KIAA1217: variants seen among roughly 807,000 people sequenced by gnomAD.
KIAA1217 encodes KIAA1217, also known as sickle tail protein homolog.
Under a neutral mutation model 163.9 loss-of-function variants are expected in KIAA1217, and 88 were observed. That is an observed-to-expected ratio of 0.54 (90% confidence interval 0.45 to 0.64). The LOEUF (loss-of-function observed/expected upper bound fraction) is 0.64, where lower values mean the gene tolerates loss of function less well. KIAA1217 is among the 30% of genes least tolerant of loss of function. The probability of loss-of-function intolerance (pLI) is 0.00; values close to 1 mark genes in which losing one functional copy is unlikely to be tolerated. For synonymous variants in KIAA1217, 903 were observed against 923.1 expected (o/e 0.98, Z 0.39); for missense variants, 2,372 against 2,475.0 (o/e 0.96, Z 0.88).
intron 1 of KIAA1217, among the ~76,000 whole-genome samples, chr10:23,822,084 A>G (rs1004642601): frequency 6.6e-5 from 10 of 152,112 alleles, no homozygotes; most frequent in African/African-American, 2.4e-4. Flanking sequence ...TTCACCACTC[A>G]TCTCCTTACT....
rs1554784569 is a variant in KIAA1217 at position 23,748,481 on chromosome 10, G to GAAGGAAGT, written c.-321+53254_-321+53255insTAAGGAAG. Among the ~76,000 whole-genome samples the GAAGGAAGT allele has an allele frequency of 7.3e-3, 1,057 of 144,634 alleles. 16 individuals are homozygous for GAAGGAAGT. The highest frequency in any genetic ancestry group is 0.026 in the African/African-American group (1,006 of 39,226). The allele number at this position is 144,634 out of a possible 152,430, so 94.9% of individuals were successfully genotyped here. A position where few individuals can be genotyped will look rare whatever the true frequency, so the allele number is the denominator to read the frequency against. On this transcript the variant is annotated intron_variant, in intron 1 of 18. Transcript: ENST00000376462. ...GGAAGCAAGGAAGGAAGGAAGGAAG[G>GAAGGAAGT]AAGGAAGGAAAGAAGGGAAAGGAGA...
rs138823228 is a variant in KIAA1217, at chr10:24,489,550, A to G, written c.1680-4950A>G. ...CAAAGTCTCTAGTCAAAAAAAAAAA[A>G]ATCAAGGTGAAACTTGAATCAAAAA... On this transcript the variant is annotated intron_variant, in intron 6 of 20. Transcript: ENST00000376454. 8.7e-3 allele frequency among the ~76,000 whole-genome samples: 1,323 copies of G among 152,164 alleles called. 23 individuals carry two copies. The highest frequency in any genetic ancestry group is 0.03 in the African/African-American group (1,249 of 41,504).
chr10:24,117,186 T>A (rs570326487), intron 2 of KIAA1217, among the ~76,000 whole-genome samples: 5 of 152,136 alleles, frequency 3.3e-5, no homozygotes, highest in Admixed American at 3.3e-4. Flanking sequence ...TACAGGCATG[T>A]ACCACCATGC....
chr10:24,238,528 T>C (rs1396462902), intron 2 of KIAA1217, among the ~76,000 whole-genome samples: 1 of 152,080 alleles, frequency 6.6e-6, no homozygotes, highest in East Asian at 1.9e-4. Flanking sequence ...ATGCAAAATA[T>C]CTGGATATGT....
chr10:24,163,098 C>T (rs539648486), intron 2 of KIAA1217, among the ~76,000 whole-genome samples: 3 of 152,358 alleles, frequency 2.0e-5, no homozygotes, highest in Admixed American at 1.3e-4. Flanking sequence ...GCAGGCATCA[C>T]TGGGGACCCT....
intron 2 of KIAA1217, among the ~76,000 whole-genome samples, chr10:24,067,997 C>A (rs1280773447): frequency 1.3e-5 from 2 of 152,188 alleles, no homozygotes; most frequent in Non-Finnish European, 2.9e-5. Context: ...TGGAAAAGTG[C>A]AGTATTAGGG....
intron 5 of KIAA1217, among the ~76,000 whole-genome samples, chr10:24,447,937 C>T (rs1357915828): frequency 1.3e-5 from 2 of 152,106 alleles, no homozygotes; most frequent in African/African-American, 4.8e-5. Flanking sequence ...CAAGACCATC[C>T]TGGCCAAGAT....
intron 1 of KIAA1217, among the ~76,000 whole-genome samples, chr10:23,754,401 T>C (rs1187854881): frequency 1.3e-5 from 2 of 152,230 alleles, no homozygotes; most frequent in Non-Finnish European, 2.9e-5. Flanking sequence ...ATAAGGAGTG[T>C]CTTCAGACTG....
At chr10:24,457,201 T>A (rs1414529155) in intron 5 of KIAA1217, among the ~76,000 whole-genome samples, 1 of 152,076 alleles carries the variant, frequency 6.6e-6, no homozygotes, top group Non-Finnish European at 1.5e-5. Context: ...GTAAAGATAA[T>A]GCAAAGATAA....
At chr10:24,155,125 T>C (rs1488584154) in intron 2 of KIAA1217, among the ~76,000 whole-genome samples, 1 of 152,178 alleles carries the variant, frequency 6.6e-6, no homozygotes, top group Admixed American at 6.5e-5. Context: ...ATGATTACGA[T>C]GATAAATGTT....
intron 1 of KIAA1217, among the ~76,000 whole-genome samples, chr10:23,834,340 C>T (rs1003244045): frequency 6.6e-6 from 1 of 152,110 alleles, no homozygotes; most frequent in Admixed American, 6.6e-5. Flanking sequence ...ACTTTCTTAT[C>T]AGCCAACTAT....
At chr10:23,908,330 C>T (rs1370269550) in intron 1 of KIAA1217, among the ~76,000 whole-genome samples, 4 of 151,914 alleles carry the variant, frequency 2.6e-5, no homozygotes, top group African/African-American at 4.8e-5. Flanking sequence ...CTTAGCTATG[C>T]GTCCTCCAGT....
At chr10:23,696,794 G>T (rs910938750) in intron 1 of KIAA1217, among the ~76,000 whole-genome samples, 82 of 152,156 alleles carry the variant, frequency 5.4e-4, no homozygotes, top group African/African-American at 1.9e-3. Flanking sequence ...CCTTGAAGGC[G>T]GGATACTGTC....
chr10:23,748,857 T>C (rs1839573143), intron 1 of KIAA1217, among the ~76,000 whole-genome samples: 1 of 152,128 alleles, frequency 6.6e-6, no homozygotes, highest in African/African-American at 2.4e-5. Flanking sequence ...CTGGCTCCTG[T>C]ATCTCCTTTA....
intron 2 of KIAA1217, among the ~76,000 whole-genome samples, chr10:24,233,465 C>T (rs1385623938): frequency 6.6e-6 from 1 of 152,138 alleles, no homozygotes; most frequent in African/African-American, 2.4e-5. Flanking sequence ...ATATCCAAAC[C>T]ATAGCATGCA....
intron 2 of KIAA1217, among the ~76,000 whole-genome samples, chr10:24,264,813 T>TTCTCTCTCTC (rs371606594): frequency 9.2e-5 from 12 of 131,028 alleles, no homozygotes; most frequent in African/African-American, 3.4e-4. Flanking sequence ...CATTCTCTCT[T>TTCTCTCTCTC]TCTCTCTCTC....
intron 2 of KIAA1217, among the ~76,000 whole-genome samples, chr10:24,098,724 C>CGTGTGTGTGTGTGTGTGTGTGT (rs10524680): frequency 1.4e-5 from 2 of 139,276 alleles, no homozygotes; most frequent in African/African-American, 2.7e-5. Context: ...TGAAGGGGAG[C>CGTGTGTGTGTGTGTGTGTGTGT]GTGTGTGTGT....
intron 2 of KIAA1217, among the ~76,000 whole-genome samples, chr10:24,351,257 G>T (rs2048425198): frequency 6.6e-6 from 1 of 152,144 alleles, no homozygotes; most frequent in African/African-American, 2.4e-5. Flanking sequence ...CAGTGATTAT[G>T]CGTCTTGTAA....
At chr10:23,802,286 T>C (rs1836506383) in intron 1 of KIAA1217, among the ~76,000 whole-genome samples, 3 of 152,294 alleles carry the variant, frequency 2.0e-5, no homozygotes, top group Admixed American at 6.5e-5. Flanking sequence ...ACATCTACGG[T>C]GTCTGTTCCA....
Sources: gnomAD v4.1 joint callset for allele counts (sites outside exome capture counted in the v4.1 genomes callset) on GRCh38, gnomAD v4.1.1 for gene constraint, MANE v1.5 for transcripts, NCBI Gene and HGNC (gene_info 2026-07-23, HGNC 2026-07-21) for gene names.